The following PID1 variants were observed in gnomAD, a reference collection of about 807,000 sequenced individuals.
The protein encoded by PID1 is phosphotyrosine interaction domain containing 1, also known as PTB-containing, cubilin and LRP1-interacting protein.
In PID1, 10 loss-of-function variants were observed where a neutral mutation model predicts 19.1. The observed-to-expected ratio is 0.52, with a 90% confidence interval of 0.32 to 0.89. The LOEUF (loss-of-function observed/expected upper bound fraction) is 0.89, where lower values mean the gene tolerates loss of function less well. Among genes scored for constraint, PID1 ranks in the 40% least tolerant of loss-of-function variants. The pLI is 0.03. For missense variants in PID1, 248 were observed against 285.3 expected (o/e 0.87, Z 0.94); for synonymous variants, 130 against 116.0 (o/e 1.12, Z -0.78).
chr2:229,141,972 A>T (rs1183343931), intron 2 of PID1, among the ~76,000 whole-genome samples: 1 of 152,030 alleles, frequency 6.6e-6, no homozygotes, highest in Non-Finnish European at 1.5e-5. Flanking sequence ...TACTAGCTGG[A>T]TAGTCAGGAG....
intron 2 of PID1, among the ~76,000 whole-genome samples, chr2:229,075,370 G>T (rs1445338892): frequency 1.3e-5 from 2 of 152,040 alleles, no homozygotes; most frequent in Non-Finnish European, 2.9e-5. Context: ...AAATATACTG[G>T]TATACATAAT....
chr2:229,080,147 T>C (rs1559224046), intron 2 of PID1, among the ~76,000 whole-genome samples: 3 of 152,194 alleles, frequency 2.0e-5, no homozygotes. Context: ...GTAAAACTTG[T>C]CTTCCATGGT....
At chr2:229,169,939 C>A (rs958518673) in intron 1 of PID1, among the ~76,000 whole-genome samples, 1 of 152,132 alleles carries the variant, frequency 6.6e-6, no homozygotes, top group African/African-American at 2.4e-5. Context: ...CAGAGCCACA[C>A]GCTTCAAAGA....
intron 2 of PID1, among the ~76,000 whole-genome samples, chr2:229,062,121 C>T (rs898365753): frequency 1.3e-5 from 2 of 151,840 alleles, no homozygotes; most frequent in Non-Finnish European, 2.9e-5. Context: ...ACTTTCAATA[C>T]TATGCTGAGT....
At chr2:229,167,781 G>T (rs918090221) in intron 1 of PID1, among the ~76,000 whole-genome samples, 1 of 151,986 alleles carries the variant, frequency 6.6e-6, no homozygotes, top group Non-Finnish European at 1.5e-5. Context: ...ATTTGGGGAC[G>T]CTTGAAAATT....
intron 1 of PID1, among the ~76,000 whole-genome samples, chr2:229,266,757 G>A (rs934847894): frequency 2.0e-5 from 3 of 152,168 alleles, no homozygotes; most frequent in African/African-American, 7.2e-5. Flanking sequence ...GTGGTTACAG[G>A]ATGCAAATGA....
chr2:229,137,914 CAAAT>C (rs1297948975), intron 2 of PID1, among the ~76,000 whole-genome samples: 2 of 152,136 alleles, frequency 1.3e-5, no homozygotes, highest in East Asian at 1.9e-4. Flanking sequence ...GTGCAGATGA[CAAAT>C]AAACCCATCG....
At chr2:229,147,167 C>T (rs934703841) in intron 2 of PID1, among the ~76,000 whole-genome samples, 9 of 152,258 alleles carry the variant, frequency 5.9e-5, no homozygotes, top group African/African-American at 1.9e-4. Flanking sequence ...AATGGAAAAA[C>T]GTCACTTTCC....
chr2:229,257,663 T>C (rs1403610047), intron 1 of PID1, among the ~76,000 whole-genome samples: 1 of 152,214 alleles, frequency 6.6e-6, no homozygotes, highest in Admixed American at 6.5e-5. Context: ...AAGTCTTATA[T>C]TCCTTACCCT....
At chr2:229,223,455 A>G (rs1445501554) in intron 1 of PID1, among the ~76,000 whole-genome samples, 1 of 152,194 alleles carries the variant, frequency 6.6e-6, no homozygotes, top group African/African-American at 2.4e-5. Flanking sequence ...TGACTGTCAT[A>G]TTCAATGCAA....
At chr2:229,094,607 G>C (rs1396062157) in intron 2 of PID1, among the ~76,000 whole-genome samples, 2 of 151,936 alleles carry the variant, frequency 1.3e-5, no homozygotes, top group Non-Finnish European at 2.9e-5. Flanking sequence ...ACAAGTGGAA[G>C]ACAATAGAGA....
At chr2:229,227,943 A>G (rs541987136) in intron 1 of PID1, 2 of 455,904 alleles carry the variant, frequency 4.4e-6, no homozygotes, top group South Asian at 1.5e-5. Context: ...TGCAAATACC[A>G]TGCCATTTCA....
At chr2:229,065,154 T>C (rs1272027995) in intron 2 of PID1, among the ~76,000 whole-genome samples, 2 of 152,202 alleles carry the variant, frequency 1.3e-5, no homozygotes, top group Admixed American at 6.5e-5. Context: ...TCCAGGACTT[T>C]CAGAAACTTT....
chr2:229,210,882 G>A (rs778674715), intron 1 of PID1, among the ~76,000 whole-genome samples: 5 of 152,162 alleles, frequency 3.3e-5, no homozygotes, highest in Non-Finnish European at 7.3e-5. Context: ...GTCAAGGACG[G>A]TTAATCACTT....
intron 2 of PID1, among the ~76,000 whole-genome samples, chr2:229,098,129 A>G (rs1574626407): frequency 6.6e-6 from 1 of 152,234 alleles, no homozygotes; most frequent in Non-Finnish European, 1.5e-5. Flanking sequence ...GACTTTTATC[A>G]GTCTTAGAGG....
At chr2:229,089,939 T>C (rs1218720735) in intron 2 of PID1, among the ~76,000 whole-genome samples, 2 of 152,204 alleles carry the variant, frequency 1.3e-5, no homozygotes, top group African/African-American at 4.8e-5. Flanking sequence ...AATTTGAGAA[T>C]GATTGTGGCC....
intron 2 of PID1, among the ~76,000 whole-genome samples, chr2:229,145,619 T>C (rs1051183249): frequency 1.3e-5 from 2 of 152,138 alleles, no homozygotes; most frequent in Admixed American, 6.5e-5. Context: ...CAGACATGCA[T>C]ATTATACTCA....
At chr2:229,247,190 A>G (rs1273142359) in intron 1 of PID1, among the ~76,000 whole-genome samples, 1 of 152,206 alleles carries the variant, frequency 6.6e-6, no homozygotes, top group African/African-American at 2.4e-5. Context: ...CAAATGAAAG[A>G]TAAAGCAAAA....
intron 1 of PID1, among the ~76,000 whole-genome samples, chr2:229,196,301 T>G (rs1691377486): frequency 6.6e-6 from 1 of 151,964 alleles, no homozygotes; most frequent in Admixed American, 6.6e-5. Context: ...GAAATATAGG[T>G]TAGCCTTTTC....
Sources: allele counts gnomAD v4.1 joint callset (sites outside exome capture counted in the v4.1 genomes callset), GRCh38; gene constraint gnomAD v4.1.1; transcripts MANE v1.5; gene names NCBI Gene and HGNC (gene_info 2026-07-23, HGNC 2026-07-21).